The following FBXO42 variants were observed in gnomAD, a reference collection of about 807,000 sequenced individuals.
FBXO42 encodes F-box only protein 42.
Under a neutral mutation model 71.7 loss-of-function variants are expected in FBXO42, and 12 were observed. The ratio of observed to expected loss-of-function variants is 0.17; its 90% CI spans 0.11 to 0.27. The LOEUF (loss-of-function observed/expected upper bound fraction) is 0.27, where lower values mean the gene tolerates loss of function less well. Among genes scored for constraint, FBXO42 ranks in the 10% least tolerant of loss-of-function variants. The pLI, the probability that FBXO42 is intolerant of heterozygous loss-of-function variation, is 1.00. For synonymous variants in FBXO42, 325 were observed against 327.5 expected, an observed-to-expected ratio of 0.99 and a Z score of 0.08; for missense variants, 707 against 911.9, an observed-to-expected ratio of 0.78 and a Z score of 2.89.
chr1:16,330,252 G>T (rs1234769197), intron 1 of FBXO42, among the ~76,000 whole-genome samples: 1 of 152,160 alleles, frequency 6.6e-6, no homozygotes, highest in African/African-American at 2.4e-5. Context: ...AGGGTGCAGG[G>T]GCTCATGCCT....
chr1:16,352,471 G>A lies in FBXO42; in HGVS notation c.-234C>T, dbSNP rs2082712749. On this transcript the variant is annotated 5_prime_UTR_variant, in exon 1 of 10. Transcript: ENST00000375592. Reference sequence around the variant, plus strand: ...GCTGCTGCTGCTCAGGCCGGGAGAAGACAGCGCAGAGCGCGCATGCGCCGG... The same window carrying A: ...GCTGCTGCTGCTCAGGCCGGGAGAAAACAGCGCAGAGCGCGCATGCGCCGG... The A allele has an allele frequency of 5.0e-6, 2 of 396,668 alleles. No individual in the cohort carries two copies. Among genetic ancestry groups the A allele is most frequent in the Admixed American group, 4.4e-5 (1 of 22,588 alleles). The allele number at this position is 396,668 out of a possible 1,614,324, so 24.6% of individuals were successfully genotyped here. A position where few individuals can be genotyped will look rare whatever the true frequency, so the allele number is the denominator to read the frequency against.
At chr1:16,327,873 C>T (rs1466931759) in intron 1 of FBXO42, among the ~76,000 whole-genome samples, 1 of 152,000 alleles carries the variant, frequency 6.6e-6, no homozygotes, top group African/African-American at 2.4e-5. Flanking sequence ...AGCTAATTTT[C>T]GTATTTTAGT....
chr1:16,300,921 C>CAG, intron 3 of FBXO42, among the ~76,000 whole-genome samples: 1 of 105,482 alleles, frequency 9.5e-6, no homozygotes, highest in East Asian at 2.9e-4. Flanking sequence ...TTTTTTGAGA[C>CAG]AGAGTGTTGT....
At chr1:16,335,061 TACAA>T in intron 1 of FBXO42, among the ~76,000 whole-genome samples, 1 of 6,012 alleles carries the variant, frequency 1.7e-4, no homozygotes, top group East Asian at 0.01. Context: ...ACCTCGTCTG[TACAA>T]AAAAAAAAAA....
rs1374625749 is a variant in FBXO42, at chr1:16,255,839, G to A, written c.657-18C>T. 2 of 1,594,372 alleles carry A rather than the reference G, an allele frequency of 1.3e-6. No homozygotes were observed. The highest frequency in any genetic ancestry group is 1.7e-6 in the Non-Finnish European group (2 of 1,166,632). ...AGTTCCACCTAATGTAAAAAGACAG[G>A]AGGAAGTCAAGAAGTCAGCACCACA... is the stretch of plus-strand genomic sequence containing the variant. On this transcript the variant is annotated intron_variant, in intron 5 of 9. Coordinates refer to ENST00000375592, the MANE Select transcript of FBXO42 (RefSeq NM_018994.3).
intron 4 of FBXO42, among the ~76,000 whole-genome samples, chr1:16,265,219 G>A (rs1409094922): frequency 3.9e-5 from 6 of 152,146 alleles, no homozygotes; most frequent in Admixed American, 6.5e-5. Flanking sequence ...TCAGCCTCCC[G>A]AGTAGCTGGG....
At chr1:16,336,413 C>T (rs1277608094) in intron 1 of FBXO42, among the ~76,000 whole-genome samples, 1 of 151,364 alleles carries the variant, frequency 6.6e-6, no homozygotes, top group African/African-American at 2.4e-5. Context: ...GGCTGGGGAG[C>T]AGTGGCGTGA....
chr1:16,322,373 C>G (rs1055710570), intron 1 of FBXO42, among the ~76,000 whole-genome samples: 2 of 152,006 alleles, frequency 1.3e-5, no homozygotes, highest in African/African-American at 2.4e-5. Context: ...GTCAGGAGTT[C>G]AAGACCAGCC....
At chr1:16,282,838 G>A (rs1188842851) in intron 4 of FBXO42, among the ~76,000 whole-genome samples, 1 of 152,014 alleles carries the variant, frequency 6.6e-6, no homozygotes, top group Non-Finnish European at 1.5e-5. Flanking sequence ...AAAATTAGCC[G>A]GGCGTGGTGG....
intron 1 of FBXO42, among the ~76,000 whole-genome samples, chr1:16,324,751 T>C (rs1391159716): frequency 1.3e-5 from 2 of 151,724 alleles, no homozygotes; most frequent in Non-Finnish European, 2.9e-5. Flanking sequence ...AGGAGTTAGA[T>C]GCTGCAGTGA....
At chr1:16,294,603 T>C in intron 4 of FBXO42, 180 bp downstream of exon 4, 1 of 627,940 alleles carries the variant, frequency 1.6e-6, no homozygotes, top group Non-Finnish European at 2.6e-6. Flanking sequence ...AAGTATAATT[T>C]AACAAAAAAC....
At chr1:16,283,507 T>TTTG (rs2081988634) in intron 4 of FBXO42, among the ~76,000 whole-genome samples, 1 of 69,208 alleles carries the variant, frequency 1.4e-5, no homozygotes, top group Admixed American at 1.5e-4. Context: ...TTTTTTTTTT[T>TTTG]TTTTTTTTTT....
At chr1:16,308,615 T>C (rs2082279496) in intron 2 of FBXO42, among the ~76,000 whole-genome samples, 1 of 149,772 alleles carries the variant, frequency 6.7e-6, no homozygotes, top group Non-Finnish European at 1.5e-5. Context: ...TCCTTCCACC[T>C]CAGCCTCCAA....
At chr1:16,348,646 A>C (rs1216697385) in intron 1 of FBXO42, among the ~76,000 whole-genome samples, 1 of 152,164 alleles carries the variant, frequency 6.6e-6, no homozygotes, top group Non-Finnish European at 1.5e-5. Flanking sequence ...GGTTACAGTG[A>C]GCAGAGATTG....
intron 2 of FBXO42, 68 bp downstream of exon 2, chr1:16,315,101 T>C (rs2082351016): frequency 1.7e-5 from 26 of 1,518,034 alleles, no homozygotes; most frequent in Non-Finnish European, 2.0e-5. Context: ...AAAAACTAAA[T>C]TTGGAGTCTA....
chr1:16,352,260 C>T lies in FBXO42; in HGVS notation c.-23G>A, dbSNP rs2082709286. 2.5e-6 allele frequency: 1 copy of T among 395,450 alleles called. No individual in the cohort carries two copies. The highest frequency in any genetic ancestry group is 4.5e-6 in the Non-Finnish European group (1 of 224,386). 24.5% of individuals were successfully genotyped at this position (395,450 alleles called of 1,614,324 possible). ...GGGAGGAGGAGAGGCCTCACCTGGC[C>T]CAGCCCGCTCCACGCTCTCGGGTTC... On this transcript the variant is annotated 5_prime_UTR_variant, in exon 1 of 10. Coordinates refer to ENST00000375592, the MANE Select transcript of FBXO42 (RefSeq NM_018994.3).
chr1:16,268,581 A>ATG (rs2100466094), intron 4 of FBXO42, among the ~76,000 whole-genome samples: 1 of 152,320 alleles, frequency 6.6e-6, no homozygotes, highest in South Asian at 2.1e-4. Context: ...GAATAGGTCC[A>ATG]TGGGTCAGGG....
At chr1:16,314,984 A>C (rs1158836130) in intron 2 of FBXO42, among the ~76,000 whole-genome samples, 185 bp downstream of exon 2, 1 of 152,208 alleles carries the variant, frequency 6.6e-6, no homozygotes, top group Non-Finnish European at 1.5e-5. Flanking sequence ...ATGGGATTAG[A>C]TACTTCAGTA....
At chr1:16,307,073 G>T (rs1433845033) in intron 2 of FBXO42, among the ~76,000 whole-genome samples, 1 of 152,004 alleles carries the variant, frequency 6.6e-6, no homozygotes, top group African/African-American at 2.4e-5. Context: ...TGTATTTTTA[G>T]TAGAGACAGG....
Sources: allele counts gnomAD v4.1 joint callset (sites outside exome capture counted in the v4.1 genomes callset), GRCh38; gene constraint gnomAD v4.1.1; transcripts MANE v1.5; gene names NCBI Gene and HGNC (gene_info 2026-07-23, HGNC 2026-07-21).